MALRD1: variants seen among roughly 807,000 people sequenced by gnomAD.
The protein encoded by MALRD1 is MAM and LDL receptor class A domain containing 1.
Under a neutral mutation model 242.1 loss-of-function variants are expected in MALRD1, and 247 were observed. That is an observed-to-expected ratio of 1.02 (90% CI 0.92 to 1.13). The LOEUF (loss-of-function observed/expected upper bound fraction) is 1.13. Among genes scored for constraint, MALRD1 ranks in the 50% most tolerant of loss-of-function variants. The pLI, the probability that MALRD1 is intolerant of heterozygous loss-of-function variation, is 0.00. For synonymous variants in MALRD1, 995 were observed against 866.6 expected (o/e 1.15, Z -2.60); for missense variants, 2,989 against 2,533.1 (o/e 1.18, Z -3.86).
intron 26 of MALRD1, 113 bp downstream of exon 26, chr10:19,352,410 A>G (rs1455329475): frequency 3.2e-6 from 3 of 940,008 alleles, no homozygotes; most frequent in African/African-American, 1.7e-5. Context: ...CACTTTCATA[A>G]AGAAAATATA....
At chr10:19,644,224 A>T (rs1347395836) in intron 36 of MALRD1, among the ~76,000 whole-genome samples, 1 of 152,224 alleles carries the variant, frequency 6.6e-6, no homozygotes, top group Admixed American at 6.5e-5. Flanking sequence ...GATGTTAAGA[A>T]GGGAGAAGAT....
chr10:19,619,742 T>G (rs918460519), intron 36 of MALRD1, among the ~76,000 whole-genome samples: 1 of 152,118 alleles, frequency 6.6e-6, no homozygotes, highest in Non-Finnish European at 1.5e-5. Context: ...TTATTTATCT[T>G]TTGCAAGAAT....
intron 1 of MALRD1, among the ~76,000 whole-genome samples, chr10:19,050,546 AC>A (rs1290308156): frequency 2.0e-5 from 3 of 152,208 alleles, no homozygotes; most frequent in African/African-American, 7.2e-5. Flanking sequence ...TTACTGAAGA[AC>A]TTTTTTCTCT....
At chr10:19,067,364 C>T (rs1835011705) in intron 2 of MALRD1, among the ~76,000 whole-genome samples, 1 of 152,082 alleles carries the variant, frequency 6.6e-6, no homozygotes, top group Non-Finnish European at 1.5e-5. Context: ...TAATAAACTC[C>T]ATTCATTCAA....
At chr10:19,425,381 T>TAAGG (rs1400672522) in intron 28 of MALRD1, among the ~76,000 whole-genome samples, 1 of 152,200 alleles carries the variant, frequency 6.6e-6, no homozygotes, top group African/African-American at 2.4e-5. Flanking sequence ...CAGTGACTAT[T>TAAGG]AAGGAATAGT....
At chr10:19,693,807 G>A (rs185489779) in intron 38 of MALRD1, among the ~76,000 whole-genome samples, 152 of 152,154 alleles carry the variant, frequency 1.0e-3, no homozygotes, top group Middle Eastern at 6.8e-3. Flanking sequence ...GAGGCATCAC[G>A]CTACCTGACT....
intron 26 of MALRD1, among the ~76,000 whole-genome samples, chr10:19,380,734 C>T (rs1845800686): frequency 6.6e-6 from 1 of 151,886 alleles, no homozygotes; most frequent in Admixed American, 6.6e-5. Context: ...ACTTGTGGTT[C>T]GTTGTTATGC....
chr10:19,107,305 G>T (rs1836498257), intron 5 of MALRD1, among the ~76,000 whole-genome samples: 1 of 151,798 alleles, frequency 6.6e-6, no homozygotes, highest in Admixed American at 6.6e-5. Flanking sequence ...ATATTGGGAG[G>T]TCTAGTTTTG....
chr10:19,138,587 A>G (rs1833437262), intron 10 of MALRD1, among the ~76,000 whole-genome samples: 1 of 151,656 alleles, frequency 6.6e-6, no homozygotes, highest in Non-Finnish European at 1.5e-5. Flanking sequence ...TACCCAGATA[A>G]TTTTTGTATT....
intron 36 of MALRD1, among the ~76,000 whole-genome samples, chr10:19,681,355 T>C (rs997085334): frequency 6.6e-6 from 1 of 152,154 alleles, no homozygotes; most frequent in African/African-American, 2.4e-5. Flanking sequence ...TGTTCATTCC[T>C]TTTTATTCTT....
chr10:19,412,414 A>G (rs1038949666), intron 28 of MALRD1, among the ~76,000 whole-genome samples: 2 of 152,218 alleles, frequency 1.3e-5, no homozygotes, highest in East Asian at 1.9e-4. Context: ...CATCAACCAG[A>G]AAGGAAAAGA....
At chr10:19,199,536 C>T (rs1344657674) in intron 14 of MALRD1, among the ~76,000 whole-genome samples, 9 of 152,152 alleles carry the variant, frequency 5.9e-5, no homozygotes, top group Non-Finnish European at 1.3e-4. Flanking sequence ...TGCAGTGGCT[C>T]ACGCCTGTAA....
At chr10:19,438,444 A>T (rs1476237139) in intron 28 of MALRD1, among the ~76,000 whole-genome samples, 1 of 152,150 alleles carries the variant, frequency 6.6e-6, no homozygotes. Flanking sequence ...ATATTTTGCT[A>T]TTGCAAATAA....
intron 24 of MALRD1, among the ~76,000 whole-genome samples, chr10:19,341,492 ATG>A (rs1564577119): frequency 7.2e-6 from 1 of 139,562 alleles, no homozygotes; most frequent in African/African-American, 2.6e-5. Flanking sequence ...GTGTATATAT[ATG>A]TATATATGTA....
At chr10:19,283,309 G>C in intron 21 of MALRD1, 128 bp downstream of exon 21, 1 of 801,130 alleles carries the variant, frequency 1.2e-6, no homozygotes, top group South Asian at 5.7e-5. Flanking sequence ...TGAAAAGGAG[G>C]CTGTTTTCTT....
intron 26 of MALRD1, among the ~76,000 whole-genome samples, chr10:19,386,511 T>G (rs929524256): frequency 3.3e-5 from 5 of 152,158 alleles, no homozygotes; most frequent in Non-Finnish European, 7.4e-5. Flanking sequence ...ATTGAAATAT[T>G]GTTACCCATG....
At chr10:19,550,033 A>G (rs1237380301) in intron 32 of MALRD1, among the ~76,000 whole-genome samples, 3 of 152,206 alleles carry the variant, frequency 2.0e-5, no homozygotes, top group Non-Finnish European at 4.4e-5. Flanking sequence ...TTTCATATAT[A>G]TAAACCCATT....
At chr10:19,643,635 A>G (rs968969761) in intron 36 of MALRD1, among the ~76,000 whole-genome samples, 2 of 152,166 alleles carry the variant, frequency 1.3e-5, no homozygotes, top group African/African-American at 4.8e-5. Flanking sequence ...CTACTCCAAT[A>G]ACAGATGAAA....
At chr10:19,657,407 C>T (rs949573611) in intron 36 of MALRD1, among the ~76,000 whole-genome samples, 2 of 152,130 alleles carry the variant, frequency 1.3e-5, no homozygotes, top group African/African-American at 4.8e-5. Flanking sequence ...CCAGGAAGAA[C>T]ACACTCCAGC....
Sources: allele counts gnomAD v4.1 joint callset (sites outside exome capture counted in the v4.1 genomes callset), GRCh38; gene constraint gnomAD v4.1.1; transcripts MANE v1.5; gene names NCBI Gene and HGNC (gene_info 2026-07-23, HGNC 2026-07-21).